SEMA3A: variants seen among roughly 807,000 people sequenced by gnomAD.
The protein encoded by SEMA3A is semaphorin 3A.
Under a neutral mutation model 97.9 loss-of-function variants are expected in SEMA3A, and 29 were observed. The ratio of observed to expected loss-of-function variants is 0.30; its 90% CI spans 0.22 to 0.40. The LOEUF is 0.40. SEMA3A is among the 10% of genes least tolerant of loss of function. The probability of loss-of-function intolerance (pLI) is 1.00; values close to 1 mark genes in which losing one functional copy is unlikely to be tolerated. For synonymous variants in SEMA3A, 321 were observed against 323.7 expected (o/e 0.99, Z 0.09); for missense variants, 763 against 951.3 (o/e 0.80, Z 2.60).
intron 6 of SEMA3A, among the ~76,000 whole-genome samples, chr7:84,026,120 G>C (rs895815611): frequency 6.6e-6 from 1 of 152,206 alleles, no homozygotes; most frequent in African/African-American, 2.4e-5. Context: ...AAAGGCAAAT[G>C]ACGGAATAAG....
intron 2 of SEMA3A, among the ~76,000 whole-genome samples, chr7:84,320,474 C>A (rs10234727): frequency 6.6e-6 from 1 of 152,018 alleles, no homozygotes; most frequent in Non-Finnish European, 1.5e-5. Flanking sequence ...TAATCATATA[C>A]TTTATATTGC....
intron 1 of SEMA3A, among the ~76,000 whole-genome samples, chr7:84,463,341 C>A (rs1187256082): frequency 1.3e-5 from 2 of 149,588 alleles, no homozygotes; most frequent in African/African-American, 4.9e-5. Flanking sequence ...CTCCGCCTCC[C>A]GGGTTCAGGC....
At chr7:84,405,290 G>A (rs547001370) in intron 1 of SEMA3A, among the ~76,000 whole-genome samples, 1 of 152,096 alleles carries the variant, frequency 6.6e-6, no homozygotes, top group Admixed American at 6.6e-5. Context: ...GATCAAAAGA[G>A]ACAAAGAAGG....
At chr7:84,381,211 G>A (rs1303035253) in intron 1 of SEMA3A, among the ~76,000 whole-genome samples, 1 of 152,096 alleles carries the variant, frequency 6.6e-6, no homozygotes, top group African/African-American at 2.4e-5. Context: ...ATTTGGGTGT[G>A]GAGATTGGAG....
intron 2 of SEMA3A, among the ~76,000 whole-genome samples, chr7:84,344,594 A>G: frequency 6.6e-6 from 1 of 152,172 alleles, no homozygotes; most frequent in East Asian, 1.9e-4. Flanking sequence ...AGAGTCACGG[A>G]AAAGAGAGAG....
chr7:84,148,023 C>T (rs544959421), intron 1 of SEMA3A, among the ~76,000 whole-genome samples: 13 of 150,960 alleles, frequency 8.6e-5, no homozygotes, highest in African/African-American at 3.2e-4. Flanking sequence ...GATTCTCATG[C>T]CTCGGCCTCC....
intron 3 of SEMA3A, among the ~76,000 whole-genome samples, chr7:84,305,315 C>T (rs1318363803): frequency 6.6e-6 from 1 of 150,920 alleles, no homozygotes; most frequent in East Asian, 1.9e-4. Flanking sequence ...CAGATATTTT[C>T]CAACCAATTG....
chr7:84,315,084 T>C lies in SEMA3A; in HGVS notation c.-168-7792A>G, dbSNP rs78045863. Among the ~76,000 whole-genome samples, 1,913 of 152,232 alleles carry C rather than the reference T, an allele frequency of 0.013. 62 individuals are homozygous for C. The East Asian group carries it at 0.15, about 12-fold the overall frequency. On this transcript the variant is annotated intron_variant, in intron 2 of 3. Coordinates refer to the SEMA3A transcript ENST00000424555. ...TAGCTGGTGGAATGAGATCAACAAG[T>C]CAATCATTTCCAGAAGGGTAATTAA...
At chr7:84,090,457 A>C (rs1794527914) in intron 4 of SEMA3A, among the ~76,000 whole-genome samples, 1 of 152,150 alleles carries the variant, frequency 6.6e-6, no homozygotes, top group Admixed American at 6.5e-5. Flanking sequence ...AGCCTACTAC[A>C]TGGGAATAGC....
intron 1 of SEMA3A, among the ~76,000 whole-genome samples, chr7:84,184,496 C>G (rs11972980): frequency 6.6e-6 from 1 of 151,950 alleles, no homozygotes; most frequent in East Asian, 1.9e-4. Context: ...TATCCCAAAA[C>G]GAGAATTAAC....
At chr7:84,151,384 G>C (rs1796664433) in intron 1 of SEMA3A, among the ~76,000 whole-genome samples, 1 of 151,488 alleles carries the variant, frequency 6.6e-6, no homozygotes, top group Non-Finnish European at 1.5e-5. Flanking sequence ...CCAATACAGA[G>C]AAGTGCTTAA....
chr7:84,159,714 TA>T (rs144548483), intron 1 of SEMA3A, among the ~76,000 whole-genome samples: 9,867 of 151,104 alleles, frequency 0.065, 385 homozygotes, highest in East Asian at 0.19. Context: ...GAATAAACCA[TA>T]AAAAAAAATA....
intron 1 of SEMA3A, among the ~76,000 whole-genome samples, chr7:84,443,705 C>T (rs1424935003): frequency 2.0e-5 from 3 of 152,072 alleles, no homozygotes; most frequent in Non-Finnish European, 2.9e-5. Context: ...CTAACTTTCT[C>T]AAAACACTCT....
rs182977115 is a variant in SEMA3A at position 84,336,991 on chromosome 7, C to A, written c.-168-29699G>T. Among the ~76,000 whole-genome samples the A allele has an allele frequency of 3.0e-3, 457 of 152,146 alleles. 4 individuals carry two copies. The highest frequency in any genetic ancestry group is 2.3e-3 in the Non-Finnish European group (155 of 67,978). ...AGTTATTTTTGCTGCAGAACTAGAT[C>A]AGTGTTGTGGTTAGGAAGGAATATT... On this transcript the variant is annotated intron_variant, in intron 2 of 3. Transcript: ENST00000424555.
chr7:84,424,500 T>C (rs1276908576), intron 1 of SEMA3A, among the ~76,000 whole-genome samples: 3 of 101,660 alleles, frequency 3.0e-5, no homozygotes, highest in Admixed American at 1.6e-4. Context: ...ATATAATATA[T>C]AATATATAAA....
At chr7:84,383,693 A>C (rs1803325884) in intron 1 of SEMA3A, among the ~76,000 whole-genome samples, 2 of 152,212 alleles carry the variant, frequency 1.3e-5, no homozygotes, top group Admixed American at 1.3e-4. Flanking sequence ...TTCATAGAAC[A>C]AGAAAGTGGA....
chr7:84,398,605 C>CT (rs140961647), intron 1 of SEMA3A, among the ~76,000 whole-genome samples: 4,007 of 151,428 alleles, frequency 0.026, 168 homozygotes, highest in African/African-American at 0.088. Context: ...AATTTTTTTT[C>CT]TTTTTTTTGC....
At chr7:84,220,410 G>A (rs1310657725) in intron 3 of SEMA3A, among the ~76,000 whole-genome samples, 3 of 152,058 alleles carry the variant, frequency 2.0e-5, no homozygotes, top group African/African-American at 7.2e-5. Context: ...TGGATATTTT[G>A]ACCTCACCCC....
At chr7:84,157,489 C>A (rs1386979169) in intron 1 of SEMA3A, among the ~76,000 whole-genome samples, 1 of 152,070 alleles carries the variant, frequency 6.6e-6, no homozygotes. Flanking sequence ...GTTAAGGGGA[C>A]GCTGGAGAGC....
Sources: allele counts gnomAD v4.1 joint callset (sites outside exome capture counted in the v4.1 genomes callset), GRCh38; gene constraint gnomAD v4.1.1; transcripts MANE v1.5; gene names NCBI Gene and HGNC (gene_info 2026-07-23, HGNC 2026-07-21).